Variants in CELF2 observed in about 807,000 individuals in gnomAD.
CELF2 encodes the protein CUGBP Elav-like family member 2, also known as CUG triplet repeat RNA-binding protein 2.
A neutral mutation model predicts 62.6 loss-of-function variants in CELF2; 8 were observed. The observed-to-expected ratio is 0.13, with a 90% CI of 0.07 to 0.23. The LOEUF is 0.23. Ranked by LOEUF, CELF2 falls within the 10% of genes least tolerant of loss-of-function variation. The probability of loss-of-function intolerance (pLI) is 1.00; values close to 1 mark genes in which losing one functional copy is unlikely to be tolerated. For synonymous variants in CELF2, 258 were observed against 250.0 expected, an observed-to-expected ratio of 1.03 and a Z score of -0.30; for missense variants, 333 against 671.0, an observed-to-expected ratio of 0.50 and a Z score of 5.56.
At chr10:10,578,445 G>A in the CELF2 span, among the ~76,000 whole-genome samples, 1 of 152,162 alleles carries the variant, frequency 6.6e-6, no homozygotes, top group Non-Finnish European at 1.5e-5. Flanking sequence ...CCATGCCTAT[G>A]TCCTGAATGG....
At chr10:10,921,834 G>T (rs2064949357) in intron 2 of CELF2, among the ~76,000 whole-genome samples, 1 of 152,190 alleles carries the variant, frequency 6.6e-6, no homozygotes, top group Admixed American at 6.5e-5. Context: ...GGGATTACAG[G>T]CGTGAGCCCC....
At chr10:10,662,623 C>T in the CELF2 span, among the ~76,000 whole-genome samples, 6 of 152,098 alleles carry the variant, frequency 3.9e-5, no homozygotes, top group African/African-American at 9.7e-5. Flanking sequence ...GTAAAAGTGA[C>T]CCCCTTCTCC....
At chr10:11,053,655 C>T (rs1225302673) in intron 1 of CELF2, among the ~76,000 whole-genome samples, 1 of 141,314 alleles carries the variant, frequency 7.1e-6, no homozygotes, top group Non-Finnish European at 1.5e-5. Flanking sequence ...TGCTCTGTTG[C>T]CCAGGCTGGA....
chr10:10,509,480 T>TG, the CELF2 span, among the ~76,000 whole-genome samples: 168 of 152,314 alleles, frequency 1.1e-3, 1 homozygote, highest in East Asian at 0.025. Context: ...CAGAGGAATC[T>TG]GACCTCATCA....
chr10:10,655,871 T>A, the CELF2 span, among the ~76,000 whole-genome samples: 1 of 134,858 alleles, frequency 7.4e-6, no homozygotes, highest in African/African-American at 2.7e-5. Flanking sequence ...AATTGACAAA[T>A]GGGATCTCAT....
chr10:10,945,824 G>C (rs550195149), intron 2 of CELF2, among the ~76,000 whole-genome samples: 16 of 152,370 alleles, frequency 1.1e-4, no homozygotes, highest in Non-Finnish European at 2.2e-4. Flanking sequence ...GAAAGGGGCT[G>C]TTAATGATGT....
At chr10:10,726,003 G>A in the CELF2 span, among the ~76,000 whole-genome samples, 1 of 151,996 alleles carries the variant, frequency 6.6e-6, no homozygotes, top group African/African-American at 2.4e-5. Flanking sequence ...AAGCCAGAAG[G>A]ACTCATTCTT....
chr10:10,527,671 T>C, the CELF2 span, among the ~76,000 whole-genome samples: 544 of 152,288 alleles, frequency 3.6e-3, 5 homozygotes, highest in African/African-American at 0.013. Flanking sequence ...CTCCAAGCCA[T>C]CTCTAGCAGT....
In CELF2 at chr10:11,297,778, T is replaced by C. The variant is rs1331372918; in HGVS notation, c.976+9226T>C. On this transcript the variant is annotated intron_variant, in intron 9 of 12. Transcript: ENST00000633077. This position sits in a 1 kb window ranked among gnomAD's most constrained non-coding sequence, Gnocchi z 4.4. ...GAGGAACTCCCTGAGGCCAGGAGTT[T>C]GAGACCAGCCTGGCCAACATGGTGA... Among the ~76,000 whole-genome samples the C allele has an allele frequency of 6.6e-6, 1 of 152,006 alleles. No individual in the cohort carries two copies. The highest frequency in any genetic ancestry group is 2.4e-5 in the African/African-American group (1 of 41,374).
At chr10:10,615,614 C>G in the CELF2 span, among the ~76,000 whole-genome samples, 3 of 152,054 alleles carry the variant, frequency 2.0e-5, no homozygotes, top group African/African-American at 7.3e-5. Context: ...GATTGGACCA[C>G]GGGGGCAGAT....
chr10:11,218,231 A>G (rs1279603978), intron 3 of CELF2, among the ~76,000 whole-genome samples: 4 of 152,240 alleles, frequency 2.6e-5, no homozygotes, highest in African/African-American at 9.6e-5. Context: ...TGACCCAAAT[A>G]TCAGTGATGA....
intron 1 of CELF2, among the ~76,000 whole-genome samples, chr10:11,062,955 G>A (rs752637457): frequency 6.6e-5 from 10 of 152,086 alleles, no homozygotes; most frequent in Non-Finnish European, 8.8e-5. Context: ...CCCGCCATCA[G>A]TCAGTAGCCA....
intron 2 of CELF2, among the ~76,000 whole-genome samples, chr10:11,216,639 C>T (rs1312406775): frequency 6.6e-6 from 1 of 152,182 alleles, no homozygotes; most frequent in East Asian, 1.9e-4. Context: ...CTAGGATTTC[C>T]ATACCGTTTT....
intron 2 of CELF2, among the ~76,000 whole-genome samples, chr10:11,210,170 G>T (rs1383888255): frequency 3.3e-5 from 5 of 152,158 alleles, no homozygotes; most frequent in African/African-American, 1.2e-4. Context: ...AGTTGAAGTT[G>T]TCTGCTAGGG....
chr10:10,817,931 G>A lies in CELF2; in HGVS notation c.53+19114G>A, dbSNP rs193285532. On this transcript the variant is annotated intron_variant, in intron 1 of 13. Coordinates refer to the CELF2 transcript ENST00000636488. Reference sequence around the variant, plus strand: ...CAAAATAGACCTGAATTCAAATCCAGTCTGCCACTTCATAACTGTAGGACC... The same window carrying A: ...CAAAATAGACCTGAATTCAAATCCAATCTGCCACTTCATAACTGTAGGACC... Among the ~76,000 whole-genome samples the A allele has an allele frequency of 1.7e-3, 252 of 152,272 alleles. 2 individuals carry two copies. Among genetic ancestry groups the A allele is most frequent in the African/African-American group, 5.8e-3 (239 of 41,546 alleles).
the CELF2 span, among the ~76,000 whole-genome samples, chr10:10,772,438 T>C: frequency 6.6e-6 from 1 of 152,252 alleles, no homozygotes; most frequent in Non-Finnish European, 1.5e-5. Flanking sequence ...TACATGAAGT[T>C]TGTTGGTTTC....
chr10:11,093,655 T>A (rs1398150778), intron 1 of CELF2, among the ~76,000 whole-genome samples: 1 of 152,190 alleles, frequency 6.6e-6, no homozygotes, highest in Non-Finnish European at 1.5e-5. Context: ...TATAAAATAG[T>A]TCAGCAATTT....
intron 2 of CELF2, among the ~76,000 whole-genome samples, chr10:11,172,773 T>C (rs982404352): frequency 6.6e-6 from 1 of 152,234 alleles, no homozygotes; most frequent in Admixed American, 6.5e-5. Flanking sequence ...TGGCCGCTTT[T>C]AACCATTTTG....
intron 1 of CELF2, among the ~76,000 whole-genome samples, chr10:11,086,608 A>AAAAAC (rs1397709060): frequency 1.2e-4 from 16 of 130,788 alleles, no homozygotes; most frequent in South Asian, 2.3e-4. Context: ...AAAAAAAAAA[A>AAAAAC]AACTCCCGAC....
Sources: gnomAD v4.1 joint callset for allele counts (sites outside exome capture counted in the v4.1 genomes callset) on GRCh38, gnomAD v4.1.1 for gene constraint, Gnocchi (gnomAD v3.1) non-coding constraint, MANE v1.5 for transcripts, NCBI Gene and HGNC (gene_info 2026-07-23, HGNC 2026-07-21) for gene names.